The following RAB28 variants were observed in gnomAD, a reference collection of about 807,000 sequenced individuals.
RAB28 encodes RAB28, member RAS oncogene family, also known as ras-related protein Rab-28.
RAB28 carries 24 observed loss-of-function variants against 31.7 expected under a neutral mutation model. That is an observed-to-expected ratio of 0.76 (90% CI 0.55 to 1.06). The LOEUF (loss-of-function observed/expected upper bound fraction) is 1.06. Ranked by LOEUF, RAB28 falls within the 50% of genes least tolerant of loss-of-function variation. RAB28 has a pLI of 0.00. For missense variants in RAB28, 254 were observed against 258.5 expected, an observed-to-expected ratio of 0.98 and a Z score of 0.12; for synonymous variants, 100 against 90.4, an observed-to-expected ratio of 1.11 and a Z score of -0.60.
chr4:13,367,980 A>T lies in RAB28; in HGVS notation c.*578T>A. ...GTGAGTTACAAACTACAATATAAAC[A>T]ATTTAGGCCCTTTTTTAAAAAATGA... On this transcript the variant is annotated 3_prime_UTR_variant, in exon 7 of 7. Coordinates refer to ENST00000330852, the MANE Select transcript of RAB28 (RefSeq NM_001017979.3). The T allele has an allele frequency of 2.1e-6, 2 of 969,806 alleles. No homozygotes were observed. Among genetic ancestry groups the T allele is most frequent in the Non-Finnish European group, 2.5e-6 (2 of 815,784 alleles). 60.1% of individuals were successfully genotyped at this position (969,806 alleles called of 1,614,324 possible).
intron 4 of RAB28, among the ~76,000 whole-genome samples, chr4:13,393,419 G>A (rs943428023): frequency 5.3e-5 from 8 of 152,156 alleles, no homozygotes; most frequent in Non-Finnish European, 8.8e-5. Flanking sequence ...GTTTACGTGC[G>A]AATAGGTGAT....
intron 4 of RAB28, among the ~76,000 whole-genome samples, chr4:13,413,951 G>C (rs1478172900): frequency 6.6e-6 from 1 of 152,164 alleles, no homozygotes; most frequent in Non-Finnish European, 1.5e-5. Flanking sequence ...CAGTCTAGGA[G>C]CTATTTTCTC....
intron 4 of RAB28, among the ~76,000 whole-genome samples, chr4:13,412,819 A>C (rs1257668927): frequency 6.6e-6 from 1 of 152,304 alleles, no homozygotes. Context: ...AAAATAAGAA[A>C]GCAGAGATAC....
intron 4 of RAB28, among the ~76,000 whole-genome samples, chr4:13,419,971 G>A (rs1713027659): frequency 6.6e-6 from 1 of 151,926 alleles, no homozygotes; most frequent in Admixed American, 6.6e-5. Context: ...TCCAGGAGCT[G>A]GTTTTTTCAA....
intron 4 of RAB28, among the ~76,000 whole-genome samples, chr4:13,447,135 T>C (rs1714741912): frequency 6.6e-6 from 1 of 152,176 alleles, no homozygotes; most frequent in Non-Finnish European, 1.5e-5. Context: ...ATGCCACCAT[T>C]ATTTATCACC....
chr4:13,403,562 C>G (rs2108902500), intron 4 of RAB28, among the ~76,000 whole-genome samples: 1 of 152,278 alleles, frequency 6.6e-6, no homozygotes, highest in Non-Finnish European at 1.5e-5. Flanking sequence ...TCTTCTTAGA[C>G]TGTCCTTTCT....
intron 4 of RAB28, among the ~76,000 whole-genome samples, chr4:13,381,839 G>A (rs1028378718): frequency 4.0e-5 from 6 of 150,894 alleles, no homozygotes; most frequent in Non-Finnish European, 7.4e-5. Flanking sequence ...ACAAAGACCA[G>A]CACAGAAGTG....
intron 4 of RAB28, among the ~76,000 whole-genome samples, chr4:13,455,262 T>G (rs554682332): frequency 2.0e-5 from 3 of 152,178 alleles, no homozygotes; most frequent in African/African-American, 2.4e-5. Context: ...CCTGAGGGTA[T>G]GTAAGCCACT....
chr4:13,370,924 A>G, intron 6 of RAB28: 1 of 967,714 alleles, frequency 1.0e-6, no homozygotes, highest in Non-Finnish European at 1.2e-6. Flanking sequence ...ATATGTGACA[A>G]ATATGTATGA....
At chr4:13,417,434 T>C (rs975434455) in intron 4 of RAB28, among the ~76,000 whole-genome samples, 1 of 152,156 alleles carries the variant, frequency 6.6e-6, no homozygotes, top group Admixed American at 6.5e-5. Context: ...ACAGACTGCC[T>C]CCTCAAGTGG....
intron 2 of RAB28, among the ~76,000 whole-genome samples, chr4:13,475,559 T>C (rs974923165): frequency 1.3e-5 from 2 of 151,610 alleles, no homozygotes; most frequent in Non-Finnish European, 3.0e-5. Flanking sequence ...AGCACAGTTT[T>C]CTAAATTTTG....
intron 1 of RAB28, 66 bp from the exon 2 acceptor site, chr4:13,479,592 T>C (rs1577253868): frequency 1.9e-6 from 2 of 1,079,872 alleles, no homozygotes; most frequent in East Asian, 4.8e-5. Context: ...AAGACCACTA[T>C]AAATCTTAAG....
chr4:13,400,386 A>T (rs186874917), intron 4 of RAB28, among the ~76,000 whole-genome samples: 12 of 152,270 alleles, frequency 7.9e-5, no homozygotes. Flanking sequence ...TTTGACTGAA[A>T]TTATGCTGAA....
intron 2 of RAB28, among the ~76,000 whole-genome samples, chr4:13,476,691 A>T (rs1328138038): frequency 6.6e-6 from 1 of 151,520 alleles, no homozygotes; most frequent in Admixed American, 6.6e-5. Context: ...TTTCAAGATG[A>T]CATACCTATA....
chr4:13,436,801 C>A (rs113297537), intron 4 of RAB28, among the ~76,000 whole-genome samples: 8,436 of 152,004 alleles, frequency 0.055, 312 homozygotes, highest in East Asian at 0.15. Flanking sequence ...AGCAATCTAC[C>A]AGTTCAAAGC....
At chr4:13,466,858 G>A (rs1439772387) in intron 3 of RAB28, among the ~76,000 whole-genome samples, 1 of 151,748 alleles carries the variant, frequency 6.6e-6, no homozygotes, top group Non-Finnish European at 1.5e-5. Flanking sequence ...CTAAAAAAAG[G>A]AAAAGTCTCT....
At chr4:13,472,305 G>T (rs770909472) in intron 3 of RAB28, among the ~76,000 whole-genome samples, 1 of 151,572 alleles carries the variant, frequency 6.6e-6, no homozygotes, top group Non-Finnish European at 1.5e-5. Context: ...GAGCCACTGC[G>T]CCTAGCTGAT....
chr4:13,481,131 G>C (rs1716586510), intron 1 of RAB28, among the ~76,000 whole-genome samples: 1 of 151,890 alleles, frequency 6.6e-6, no homozygotes, highest in East Asian at 1.9e-4. Context: ...TTCATGTTAA[G>C]GAATATTCAG....
chr4:13,454,073 C>T (rs148576469), intron 4 of RAB28, among the ~76,000 whole-genome samples: 50 of 152,054 alleles, frequency 3.3e-4, no homozygotes, highest in African/African-American at 1.2e-3. Context: ...TTTCAAAAGG[C>T]TTGTCTTCAA....
Sources: gnomAD v4.1 joint callset for allele counts (sites outside exome capture counted in the v4.1 genomes callset) on GRCh38, gnomAD v4.1.1 for gene constraint, MANE v1.5 for transcripts, NCBI Gene and HGNC (gene_info 2026-07-23, HGNC 2026-07-21) for gene names.